Variants in BICRAL observed in about 807,000 individuals in gnomAD.
BICRAL encodes the protein BICRA like chromatin remodeling complex associated protein, also known as BRD4-interacting chromatin-remodeling complex-associated protein-like.
BICRAL carries 8 observed loss-of-function variants against 91.8 expected under a neutral mutation model. That is an observed-to-expected ratio of 0.09 (90% CI 0.05 to 0.16). The LOEUF (loss-of-function observed/expected upper bound fraction) is 0.16, where lower values mean the gene tolerates loss of function less well. Among genes scored for constraint, BICRAL ranks in the 10% least tolerant of loss-of-function variants. The pLI is 1.00. For synonymous variants in BICRAL, 445 were observed against 491.1 expected, an observed-to-expected ratio of 0.91 and a Z score of 1.24; for missense variants, 1,038 against 1,310.9, an observed-to-expected ratio of 0.79 and a Z score of 3.21.
At position 42,857,232 on chromosome 6, in the gene BICRAL, A is replaced by G. The variant is rs965799702; in HGVS notation, c.2250A>G (p.Arg750=). The change falls in exon 10 of 13, where the codon AGA becomes AGG. Residue 750 remains arginine (R), a synonymous_variant. Transcript: ENST00000314073. ...CCATGCCCACTGAAGAAGACTTGAG[A>G]AAAGGTAAGCAGGCTGGGACCCTAA... The part of the protein sequence containing the change: ...QGSMPTEEDL[R]KVDNEFETVA... 2 of 1,612,540 alleles carry G rather than the reference A, an allele frequency of 1.2e-6. No individual in the cohort carries two copies. Among genetic ancestry groups the G allele is most frequent in the Non-Finnish European group, 1.7e-6 (2 of 1,179,086 alleles).
chr6:42,779,223 A>AAC (rs57493144), upstream of BICRAL, among the ~76,000 whole-genome samples: 7,212 of 132,358 alleles, frequency 0.054, 189 homozygotes, highest in Non-Finnish European at 0.067. Context: ...TCTCAAGAAA[A>AAC]ACACACACAC....
intron 6 of BICRAL, among the ~76,000 whole-genome samples, chr6:42,834,234 A>G (rs1764580280): frequency 6.6e-6 from 1 of 152,204 alleles, no homozygotes; most frequent in African/African-American, 2.4e-5. Flanking sequence ...ATTGCCACAG[A>G]AGTGAGGTGT....
intron 1 of BICRAL, among the ~76,000 whole-genome samples, chr6:42,783,337 T>C (rs1194275185): frequency 1.3e-5 from 2 of 152,162 alleles, no homozygotes; most frequent in African/African-American, 2.4e-5. Context: ...CCAGAAGAGA[T>C]GTGCGGCTGG....
chr6:42,778,079 T>G (rs1394278423), upstream of BICRAL, among the ~76,000 whole-genome samples: 1 of 152,240 alleles, frequency 6.6e-6, no homozygotes, highest in Non-Finnish European at 1.5e-5. Flanking sequence ...GCCATATTAT[T>G]AAATAATTAC....
chr6:42,820,008 A>T (rs1168211861), intron 2 of BICRAL, among the ~76,000 whole-genome samples: 1 of 152,148 alleles, frequency 6.6e-6, no homozygotes. Context: ...CAATATTATA[A>T]AAGTGTTCTG....
At chr6:42,768,695 T>G (rs1297072206) in intron 1 of BICRAL, among the ~76,000 whole-genome samples, 2 of 152,184 alleles carry the variant, frequency 1.3e-5, no homozygotes, top group South Asian at 2.1e-4. Flanking sequence ...GAATCTGCTT[T>G]CTTCCCCTCT....
At position 42,821,993 on chromosome 6, in the gene BICRAL, G is replaced by A. The variant is rs192932215; in HGVS notation, c.-5-25G>A. ...TCTTTAATCTGCTTTACTGAAACCT[G>A]TTTTCCTCTCCCTTTTCTTTATAGT... On this transcript the variant is annotated intron_variant, in intron 2 of 12. Coordinates refer to ENST00000314073, the MANE Select transcript of BICRAL (RefSeq NM_001393499.1). 107 of 1,548,926 alleles carry A rather than the reference G, an allele frequency of 6.9e-5. 1 individual carries two copies. In the East Asian group the frequency reaches 2.3e-3, roughly 34 times the overall value.
At position 42,864,956 on chromosome 6, in the gene BICRAL, C is replaced by T. The variant is rs766654344; in HGVS notation, c.2750C>T (p.Thr917Met). The change falls in exon 13 of 13, where the codon ACG (threonine) becomes ATG (methionine). Residue 917 changes from threonine to methionine, a missense_variant. Thr to Met is a moderately conservative substitution (Grantham distance 81, BLOSUM62 -1). Transcript: ENST00000314073. ...DKVGLVQYQS[T>M]SEEKASRREP... ...GTGGGCTTAGTGCAGTACCAGAGCA[C>T]GTCTGAAGAGAAGGCCAGCCGGAGA... is the stretch of plus-strand genomic sequence containing the variant. The T allele has an allele frequency of 6.8e-6, 11 of 1,614,022 alleles. No individual in the cohort carries two copies. The highest frequency in any genetic ancestry group is 4.0e-5 in the African/African-American group (3 of 74,914).
In BICRAL at chr6:42,866,660, C is replaced by T. The variant is rs1321875809; in HGVS notation, c.*1214C>T. Reference sequence around the variant, plus strand: ...CACCACTGAAAGGAAAGATCTGAGACATGGGATTCCCATTTGAGAGCCAAA... The same window carrying T: ...CACCACTGAAAGGAAAGATCTGAGATATGGGATTCCCATTTGAGAGCCAAA... On this transcript the variant is annotated 3_prime_UTR_variant, in exon 13 of 13. Transcript: ENST00000314073. 1 of 369,520 alleles carries T rather than the reference C, an allele frequency of 2.7e-6. No individual in the cohort carries two copies. The highest frequency in any genetic ancestry group is 7.3e-5 in the East Asian group (1 of 13,768). The allele number at this position is 369,520 out of a possible 1,614,324, so 22.9% of individuals were successfully genotyped here. A position where few individuals can be genotyped will look rare whatever the true frequency, so the allele number is the denominator to read the frequency against.
At chr6:42,850,421 G>A (rs894003308) in intron 6 of BICRAL, among the ~76,000 whole-genome samples, 2 of 152,032 alleles carry the variant, frequency 1.3e-5, no homozygotes, top group Non-Finnish European at 2.9e-5. Context: ...TCGAGAGGCT[G>A]AGGCAGGAGA....
chr6:42,783,469 C>T (rs955756323), intron 1 of BICRAL, among the ~76,000 whole-genome samples: 3 of 152,192 alleles, frequency 2.0e-5, no homozygotes, highest in South Asian at 2.1e-4. Flanking sequence ...GGCGCTGGGC[C>T]TGGCCTGTCG....
chr6:42,770,704 C>T (rs1350129010), intron 1 of BICRAL, among the ~76,000 whole-genome samples: 1 of 150,828 alleles, frequency 6.6e-6, no homozygotes, highest in Non-Finnish European at 1.5e-5. Context: ...GCATGAGCCA[C>T]CCCACCCGGT....
intron 1 of BICRAL, among the ~76,000 whole-genome samples, chr6:42,792,631 A>C (rs1004728012): frequency 2.3e-5 from 3 of 132,316 alleles, no homozygotes; most frequent in African/African-American, 8.8e-5. Flanking sequence ...TTAGAAATTG[A>C]TGCTGAGTGT....
chr6:42,815,695 C>T (rs1367998860), intron 2 of BICRAL, among the ~76,000 whole-genome samples: 1 of 151,880 alleles, frequency 6.6e-6, no homozygotes, highest in African/African-American at 2.4e-5. Flanking sequence ...TTTTAAGATA[C>T]AGTATTTCTT....
At chr6:42,837,830 C>T (rs1327357175) in intron 6 of BICRAL, among the ~76,000 whole-genome samples, 2 of 152,050 alleles carry the variant, frequency 1.3e-5, no homozygotes, top group Non-Finnish European at 2.9e-5. Flanking sequence ...GTCTCGTTGC[C>T]CACCCACCCA....
chr6:42,817,013 C>CAAAA (rs368409842), intron 2 of BICRAL, among the ~76,000 whole-genome samples: 1 of 115,334 alleles, frequency 8.7e-6, no homozygotes, highest in African/African-American at 3.2e-5. Flanking sequence ...GACTCCATCT[C>CAAAA]AAAAAAAAAA....
At chr6:42,780,104 C>T (rs1762865842), upstream of BICRAL, among the ~76,000 whole-genome samples, 1 of 151,916 alleles carries the variant, frequency 6.6e-6, no homozygotes, top group Non-Finnish European at 1.5e-5. Flanking sequence ...GATCTCGCAC[C>T]ATGTTGCCCA....
intron 6 of BICRAL, among the ~76,000 whole-genome samples, chr6:42,840,065 CA>C (rs1443884363): frequency 6.6e-6 from 1 of 152,062 alleles, no homozygotes; most frequent in Non-Finnish European, 1.5e-5. Context: ...AGTATAGGTC[CA>C]AATTTCTCTA....
intron 6 of BICRAL, among the ~76,000 whole-genome samples, chr6:42,840,846 G>T (rs1262902783): frequency 6.6e-6 from 1 of 151,666 alleles, no homozygotes; most frequent in East Asian, 2.0e-4. Flanking sequence ...GGCCGAAGCG[G>T]GTGGATCACT....
Sources: gnomAD v4.1 joint callset for allele counts (sites outside exome capture counted in the v4.1 genomes callset) on GRCh38, gnomAD v4.1.1 for gene constraint, MANE v1.5 for transcripts, NCBI Gene and HGNC (gene_info 2026-07-23, HGNC 2026-07-21) for gene names.